WWOX: variants seen among roughly 807,000 people sequenced by gnomAD.
WWOX encodes WW domain-containing oxidoreductase.
A neutral mutation model predicts 46.2 loss-of-function variants in WWOX; 69 were observed. The ratio of observed to expected loss-of-function variants is 1.49; its 90% CI spans 1.23 to 1.82. The LOEUF (loss-of-function observed/expected upper bound fraction) is 1.82, where lower values mean the gene tolerates loss of function less well. Ranked by LOEUF, WWOX falls within the 40% of genes most tolerant of loss-of-function variation. WWOX has a pLI of 0.00. For missense variants in WWOX, 919 were observed against 542.6 expected (o/e 1.69, Z -6.89); for synonymous variants, 359 against 202.6 (o/e 1.77, Z -6.56).
At chr16:78,448,855 G>A (rs2083621378) in intron 8 of WWOX, among the ~76,000 whole-genome samples, 2 of 152,102 alleles carry the variant, frequency 1.3e-5, no homozygotes, top group Admixed American at 1.3e-4. Flanking sequence ...AACTGTCTTG[G>A]CGCTGGTGAG....
At position 79,066,422 on chromosome 16, in the gene WWOX, T is replaced by C. The variant is rs138532030; in HGVS notation, c.1057-145186T>C. Among the ~76,000 whole-genome samples, 42 of 152,182 alleles carry C rather than the reference T, an allele frequency of 2.8e-4. 2 individuals are homozygous for C. Among genetic ancestry groups the C allele is most frequent in the Non-Finnish European group, 1.5e-4 (10 of 68,020 alleles). ...CTTCGTCACCATTTTGACATCATTATCAAGTGCGCAATTAGGCTCACAGTT... is the reference window on the plus strand; with the variant it reads ...CTTCGTCACCATTTTGACATCATTACCAAGTGCGCAATTAGGCTCACAGTT... On this transcript the variant is annotated intron_variant, in intron 8 of 8. Coordinates refer to ENST00000566780, the MANE Select transcript of WWOX (RefSeq NM_016373.4).
At chr16:79,155,756 T>C (rs115852793) in intron 8 of WWOX, among the ~76,000 whole-genome samples, 127 of 152,326 alleles carry the variant, frequency 8.3e-4, no homozygotes, top group African/African-American at 3.0e-3. Context: ...ATGGATCGCA[T>C]TTTGAATAGA....
intron 5 of WWOX, among the ~76,000 whole-genome samples, chr16:78,227,210 G>T (rs1023630048): frequency 6.6e-6 from 1 of 152,160 alleles, no homozygotes; most frequent in Admixed American, 6.5e-5. Flanking sequence ...AACACCCTAA[G>T]TTTACCTCTT....
intron 5 of WWOX, among the ~76,000 whole-genome samples, chr16:78,218,459 G>A (rs1332055230): frequency 6.6e-6 from 1 of 152,084 alleles, no homozygotes; most frequent in East Asian, 1.9e-4. Flanking sequence ...AGGACTAAGG[G>A]TGTGTGAGGA....
chr16:79,211,524 GC>G lies in WWOX; in HGVS notation c.1057-83del, dbSNP rs1239149947. The G allele has an allele frequency of 4.4e-6, 7 of 1,581,588 alleles. No individual in the cohort carries two copies. In the East Asian group the frequency reaches 9.1e-5, roughly 21 times the overall value. On this transcript the variant is annotated intron_variant, in intron 8 of 8. Transcript: ENST00000566780. ...AAACTGAACCAGGTGGGGGAGGCCT[GC>G]TAATGCCCAGGCAGTCGAAATGACG...
At chr16:78,781,012 C>G (rs1180920097) in intron 8 of WWOX, among the ~76,000 whole-genome samples, 1 of 152,166 alleles carries the variant, frequency 6.6e-6, no homozygotes, top group East Asian at 1.9e-4. Context: ...TGCCGTGACT[C>G]CTCTGCCACC....
At chr16:78,432,243 G>C (rs117622742) in intron 7 of WWOX, among the ~76,000 whole-genome samples, 19 of 151,514 alleles carry the variant, frequency 1.3e-4, no homozygotes, top group Middle Eastern at 3.4e-3. Flanking sequence ...TCAGATTCCC[G>C]TGTACAGGCA....
At chr16:79,028,878 C>G (rs146489338) in intron 8 of WWOX, among the ~76,000 whole-genome samples, 6 of 145,410 alleles carry the variant, frequency 4.1e-5, no homozygotes, top group African/African-American at 1.3e-4. Context: ...GAGATCACTT[C>G]ACAGTTTCCT....
chr16:79,157,302 G>C (rs2050400311), intron 8 of WWOX, among the ~76,000 whole-genome samples: 1 of 151,814 alleles, frequency 6.6e-6, no homozygotes, highest in South Asian at 2.1e-4. Context: ...ATCTTTTTCT[G>C]ATTTTAAGAA....
intron 8 of WWOX, among the ~76,000 whole-genome samples, chr16:79,019,676 C>G (rs2047492323): frequency 6.6e-6 from 1 of 151,786 alleles, no homozygotes; most frequent in Non-Finnish European, 1.5e-5. Flanking sequence ...GACTCCAACC[C>G]CGGGCTCTCT....
At chr16:78,742,348 A>G (rs908365793) in intron 8 of WWOX, among the ~76,000 whole-genome samples, 1 of 152,224 alleles carries the variant, frequency 6.6e-6, no homozygotes, top group African/African-American at 2.4e-5. Context: ...GGGCAGCAGC[A>G]GGACAGAGCC....
intron 8 of WWOX, among the ~76,000 whole-genome samples, chr16:79,099,724 G>A (rs955865126): frequency 6.6e-6 from 1 of 152,088 alleles, no homozygotes; most frequent in Non-Finnish European, 1.5e-5. Context: ...TGAACTTTTT[G>A]CAGTGTACAA....
At chr16:78,845,074 G>C (rs957221015) in intron 8 of WWOX, among the ~76,000 whole-genome samples, 1 of 151,798 alleles carries the variant, frequency 6.6e-6, no homozygotes, top group East Asian at 1.9e-4. Context: ...CATTCCAAAG[G>C]GTCGTTGTCT....
intron 8 of WWOX, among the ~76,000 whole-genome samples, chr16:78,849,997 G>C (rs1353102935): frequency 6.6e-6 from 1 of 152,076 alleles, no homozygotes; most frequent in Admixed American, 6.5e-5. Context: ...GCTTGAACCT[G>C]GGAGATGGAG....
chr16:79,018,684 C>G (rs1312491657), intron 8 of WWOX, among the ~76,000 whole-genome samples: 1 of 152,150 alleles, frequency 6.6e-6, no homozygotes, highest in African/African-American at 2.4e-5. Flanking sequence ...TGTGGGCCGC[C>G]TCCTCCACAT....
intron 5 of WWOX, among the ~76,000 whole-genome samples, chr16:78,367,162 G>T (rs1176099077): frequency 6.6e-6 from 1 of 151,782 alleles, no homozygotes; most frequent in Non-Finnish European, 1.5e-5. Flanking sequence ...TATATTTTTA[G>T]TAGAGACAGG....
At position 78,432,538 on chromosome 16, in the gene WWOX, C is replaced by G; in HGVS notation, c.842C>G (p.Ser281Cys). ...SLGKLDFSRL[S>C]PTKNDYWAML... ...GGAAAACTGGACTTCAGTCGCCTCT[C>G]TCCAACAAAAAACGACTATTGGGCG... The change falls in exon 8 of 9, where the codon TCT (serine) becomes TGT (cysteine). Residue 281 changes from serine (S) to cysteine (C), a missense_variant. Transcript: ENST00000566780. 1 of 1,614,160 alleles carries G rather than the reference C, an allele frequency of 6.2e-7. No homozygotes were observed. The highest frequency in any genetic ancestry group is 8.5e-7 in the Non-Finnish European group (1 of 1,180,010).
At position 78,594,445 on chromosome 16, in the gene WWOX, C is replaced by G. The variant is rs1007586373; in HGVS notation, c.1056+161693C>G. ...TGAGGAAAGGCCCCCCCCCCCCCCC[C>G]GCCAAATTGTCCCGTTGTCTCTTGG... On this transcript the variant is annotated intron_variant, in intron 8 of 8. Transcript: ENST00000566780. 4.8e-5 allele frequency among the ~76,000 whole-genome samples: 4 copies of G among 84,194 alleles called. 1 individual carries two copies. The highest frequency in any genetic ancestry group is 9.1e-5 in the African/African-American group (2 of 21,946). The allele number at this position is 84,194 out of a possible 152,430, so 55.2% of individuals were successfully genotyped here. A position where few individuals can be genotyped will look rare whatever the true frequency, so the allele number is the denominator to read the frequency against.
chr16:78,156,690 G>A (rs1200043382), intron 4 of WWOX, among the ~76,000 whole-genome samples: 1 of 152,164 alleles, frequency 6.6e-6, no homozygotes, highest in Admixed American at 6.5e-5. Context: ...TTGGGAGGTC[G>A]AGGTGGGTGG....
Sources: gnomAD v4.1 joint callset for allele counts (sites outside exome capture counted in the v4.1 genomes callset) on GRCh38, gnomAD v4.1.1 for gene constraint, MANE v1.5 for transcripts, NCBI Gene and HGNC (gene_info 2026-07-23, HGNC 2026-07-21) for gene names.